Variants in ADGRL2 observed in about 807,000 individuals in gnomAD.
The protein encoded by ADGRL2 is adhesion G protein-coupled receptor L2, also known as calcium-independent alpha-latrotoxin receptor 2.
A neutral mutation model predicts 157.4 loss-of-function variants in ADGRL2; 44 were observed. The observed-to-expected ratio is 0.28, with a 90% CI of 0.22 to 0.36. The LOEUF is 0.36. Among genes scored for constraint, ADGRL2 ranks in the 10% least tolerant of loss-of-function variants. The pLI, the probability that ADGRL2 is intolerant of heterozygous loss-of-function variation, is 1.00. For missense variants in ADGRL2, 1,510 were observed against 1,768.9 expected, an observed-to-expected ratio of 0.85 and a Z score of 2.63; for synonymous variants, 585 against 624.7, an observed-to-expected ratio of 0.94 and a Z score of 0.95.
intron 1 of ADGRL2, among the ~76,000 whole-genome samples, chr1:81,365,021 G>A (rs184627060): frequency 4.6e-5 from 7 of 152,118 alleles, no homozygotes; most frequent in East Asian, 1.9e-4. Flanking sequence ...ATAACCAACC[G>A]TCCCCTGCAT....
intron 1 of ADGRL2, among the ~76,000 whole-genome samples, chr1:81,367,547 AC>A (rs2076087912): frequency 6.6e-6 from 1 of 151,994 alleles, no homozygotes; most frequent in Non-Finnish European, 1.5e-5. Flanking sequence ...AAAGAACATG[AC>A]CTTGTTTCTT....
intron 1 of ADGRL2, among the ~76,000 whole-genome samples, chr1:81,711,480 A>G (rs1196967861): frequency 1.3e-5 from 2 of 152,224 alleles, no homozygotes; most frequent in South Asian, 4.1e-4. Context: ...TTTGTCATAT[A>G]GAATATTAAA....
At chr1:81,906,470 G>C (rs1362119818) in intron 2 of ADGRL2, among the ~76,000 whole-genome samples, 1 of 152,076 alleles carries the variant, frequency 6.6e-6, no homozygotes, top group Non-Finnish European at 1.5e-5. Context: ...TTTAAATAAA[G>C]GGTATTTAAA....
intron 2 of ADGRL2, among the ~76,000 whole-genome samples, chr1:81,841,024 G>A (rs1203493017): frequency 2.6e-5 from 4 of 152,120 alleles, no homozygotes; most frequent in Non-Finnish European, 5.9e-5. Context: ...GCCTTGGCAA[G>A]CATAAGTTAG....
chr1:81,892,556 CAAGAGGAGATTGTAGTCTA>C (rs1480679031), intron 2 of ADGRL2, among the ~76,000 whole-genome samples: 2 of 152,074 alleles, frequency 1.3e-5, no homozygotes, highest in Admixed American at 6.6e-5. Context: ...CATTCATTGA[CAAGAGGAGATTGTAGTCTA>C]TTCACTGATT....
chr1:81,571,976 G>C (rs925418403), intron 2 of ADGRL2, among the ~76,000 whole-genome samples: 1 of 152,114 alleles, frequency 6.6e-6, no homozygotes, highest in Non-Finnish European at 1.5e-5. Context: ...CTTTTAAGAA[G>C]TCATCCAACA....
At chr1:81,416,943 A>G (rs972121261) in intron 1 of ADGRL2, among the ~76,000 whole-genome samples, 6 of 152,222 alleles carry the variant, frequency 3.9e-5, no homozygotes, top group Non-Finnish European at 8.8e-5. Flanking sequence ...ATAGATCCCA[A>G]GAATTTACAG....
At position 81,750,272 on chromosome 1, in the gene ADGRL2, T is replaced by C. The variant is rs144677788; in HGVS notation, c.-142-11539T>C. On this transcript the variant is annotated intron_variant, in intron 1 of 20. Transcript: ENST00000359929. ...AGCCTAAACAGTGTCAGAGCTCAAA[T>C]AGGCTGAGCAGAGCATCTGAATGGG... 3.0e-3 allele frequency among the ~76,000 whole-genome samples: 458 copies of C among 152,280 alleles called. 2 individuals carry two copies. The highest frequency in any genetic ancestry group is 6.2e-3 in the Admixed American group (95 of 15,300).
At chr1:81,614,799 T>C (rs2081609230) in intron 3 of ADGRL2, among the ~76,000 whole-genome samples, 1 of 150,912 alleles carries the variant, frequency 6.6e-6, no homozygotes, top group Non-Finnish European at 1.5e-5. Context: ...CGGAGGCAGA[T>C]GTTCAAGACC....
rs184753211 is a variant in ADGRL2, at chr1:81,832,114, A to C, written c.-100-4771A>C. The stretch of plus-strand genomic sequence containing the variant: ...TTATTTTTAAATGGCAGTCCTCTCC[A>C]ATTTTAAGACATTGTATTTCCTCCG... On this transcript the variant is annotated intron_variant, in intron 1 of 23. Coordinates refer to ENST00000686636, the MANE Select transcript of ADGRL2 (RefSeq NM_001366006.2). 1.1e-4 allele frequency among the ~76,000 whole-genome samples: 17 copies of C among 152,236 alleles called. No homozygotes were observed. In the East Asian group the frequency reaches 3.3e-3, roughly 29 times the overall value.
intron 2 of ADGRL2, among the ~76,000 whole-genome samples, chr1:81,778,996 C>T (rs954426785): frequency 2.0e-5 from 3 of 152,092 alleles, no homozygotes; most frequent in South Asian, 4.1e-4. Flanking sequence ...ACTTTATATC[C>T]TTATTTATCC....
At chr1:81,607,466 G>A (rs1265391450) in intron 3 of ADGRL2, among the ~76,000 whole-genome samples, 1 of 152,186 alleles carries the variant, frequency 6.6e-6, no homozygotes, top group Admixed American at 6.5e-5. Context: ...GACAAGGCCA[G>A]TGATTCAGGA....
chr1:81,523,714 A>G (rs1225037710), intron 2 of ADGRL2, among the ~76,000 whole-genome samples: 1 of 152,228 alleles, frequency 6.6e-6, no homozygotes, highest in Non-Finnish European at 1.5e-5. Context: ...TGGAGAAACT[A>G]AATCTCTTCC....
At chr1:81,594,798 A>G (rs908304303) in intron 3 of ADGRL2, among the ~76,000 whole-genome samples, 1 of 152,256 alleles carries the variant, frequency 6.6e-6, no homozygotes, top group African/African-American at 2.4e-5. Flanking sequence ...AGCTTTTGAA[A>G]AACAATTACA....
At chr1:81,764,713 T>A (rs193100640) in intron 2 of ADGRL2, among the ~76,000 whole-genome samples, 4 of 152,140 alleles carry the variant, frequency 2.6e-5, no homozygotes, top group Non-Finnish European at 5.9e-5. Context: ...TTCAGTAAGA[T>A]ACATCATATA....
At chr1:81,478,622 C>T (rs185332759) in intron 2 of ADGRL2, among the ~76,000 whole-genome samples, 348 of 152,294 alleles carry the variant, frequency 2.3e-3, no homozygotes, top group Middle Eastern at 6.8e-3. Context: ...ACATTCAAGG[C>T]TCCTTCTGGT....
At chr1:81,794,641 A>G (rs908523768) in intron 2 of ADGRL2, among the ~76,000 whole-genome samples, 1 of 152,158 alleles carries the variant, frequency 6.6e-6, no homozygotes, top group Non-Finnish European at 1.5e-5. Context: ...ATGATTCTAA[A>G]TTTGGATGCT....
chr1:81,766,621 G>A (rs749684196), intron 2 of ADGRL2, among the ~76,000 whole-genome samples: 2 of 151,586 alleles, frequency 1.3e-5, no homozygotes, highest in African/African-American at 2.4e-5. Context: ...ACCTGAGGTC[G>A]GAAGTTCAAG....
rs1331990999 is a variant in ADGRL2 at position 81,993,095 on chromosome 1, T to A, written c.*1950T>A. Among the ~76,000 whole-genome samples the A allele has an allele frequency of 2.6e-3, 119 of 45,378 alleles. No homozygotes were observed. Among genetic ancestry groups the A allele is most frequent in the African/African-American group, 5.2e-3 (61 of 11,838 alleles). 29.8% of individuals were successfully genotyped at this position (45,378 alleles called of 152,430 possible). ...TATATATATATATATATATTTTTTT[T>A]TTTTTTTTTTTTTTTTTTTTTTTTG... On this transcript the variant is annotated 3_prime_UTR_variant, in exon 24 of 24. Transcript: ENST00000686636.
Sources: gnomAD v4.1 joint callset for allele counts (sites outside exome capture counted in the v4.1 genomes callset) on GRCh38, gnomAD v4.1.1 for gene constraint, MANE v1.5 for transcripts, NCBI Gene and HGNC (gene_info 2026-07-23, HGNC 2026-07-21) for gene names.